PGM5: variants seen among roughly 807,000 people sequenced by gnomAD.
PGM5 encodes the protein phosphoglucomutase 5.
Under a neutral mutation model 59.2 loss-of-function variants are expected in PGM5, and 23 were observed. The observed-to-expected ratio is 0.39, with a 90% confidence interval of 0.28 to 0.55. The LOEUF is 0.55. Among genes scored for constraint, PGM5 ranks in the 20% least tolerant of loss-of-function variants. The probability of loss-of-function intolerance (pLI) is 0.66; values close to 1 mark genes in which losing one functional copy is unlikely to be tolerated. For synonymous variants in PGM5, 214 were observed against 286.0 expected, an observed-to-expected ratio of 0.75 and a Z score of 2.54; for missense variants, 574 against 748.3, an observed-to-expected ratio of 0.77 and a Z score of 2.72.
At chr9:68,464,587 C>T (rs1823905043) in intron 6 of PGM5, 1 of 152,608 alleles carries the variant, frequency 6.6e-6, no homozygotes, top group Non-Finnish European at 1.5e-5. Context: ...ATCAGCCTTC[C>T]TAGTAGCTGG....
intron 7 of PGM5, among the ~76,000 whole-genome samples, chr9:68,477,372 T>C (rs144342975): frequency 2.0e-5 from 3 of 152,356 alleles, no homozygotes; most frequent in African/African-American, 7.2e-5. Context: ...ATGTCACAAG[T>C]ACGGTAAATG....
intron 1 of PGM5, among the ~76,000 whole-genome samples, chr9:68,377,909 C>G (rs1168721): frequency 0.013 from 1,972 of 152,152 alleles, 31 homozygotes; most frequent in African/African-American, 0.045. Flanking sequence ...TTCAAGCTAA[C>G]CCCTCGATTA....
At chr9:68,484,531 C>A (rs1824255452) in intron 9 of PGM5, among the ~76,000 whole-genome samples, 1 of 138,350 alleles carries the variant, frequency 7.2e-6, no homozygotes, top group Admixed American at 7.6e-5. Context: ...CAAAGTGAGA[C>A]CATGTCTCAA....
intron 6 of PGM5, among the ~76,000 whole-genome samples, chr9:68,448,648 C>T (rs781871123): frequency 6.6e-6 from 1 of 152,108 alleles, no homozygotes; most frequent in African/African-American, 2.4e-5. Flanking sequence ...TTTGATAATC[C>T]TTCTTACGCC....
chr9:68,528,853 T>C (rs1259978172), intron 10 of PGM5, among the ~76,000 whole-genome samples: 2 of 152,192 alleles, frequency 1.3e-5, no homozygotes, highest in African/African-American at 4.8e-5. Context: ...CTGAAAATCA[T>C]TGTGAGTGTT....
intron 6 of PGM5, among the ~76,000 whole-genome samples, chr9:68,430,726 C>A (rs1823330546): frequency 6.6e-6 from 1 of 152,136 alleles, no homozygotes; most frequent in South Asian, 2.1e-4. Context: ...AATCATATAC[C>A]CCTAAGTATA....
rs574529124 is a variant in PGM5 at position 68,438,546 on chromosome 9, C to A, written c.1044-26547C>A. Among the ~76,000 whole-genome samples, 11 of 152,254 alleles carry A rather than the reference C, an allele frequency of 7.2e-5. No individual in the cohort carries two copies. In the South Asian group the frequency reaches 2.3e-3, roughly 32 times the overall value. The stretch of plus-strand genomic sequence containing the variant: ...CTGATTTTGAGTAAGATGGAGTAAG[C>A]ACACTTCATCCACGGTCTTCCCCAT... On this transcript the variant is annotated intron_variant, in intron 6 of 10. Coordinates refer to ENST00000396396, the MANE Select transcript of PGM5 (RefSeq NM_021965.4).
chr9:68,461,478 A>G (rs1823857972), intron 6 of PGM5, among the ~76,000 whole-genome samples: 1 of 152,178 alleles, frequency 6.6e-6, no homozygotes, highest in Non-Finnish European at 1.5e-5. Context: ...GTCACTTTCA[A>G]TATTCATGTT....
chr9:68,380,394 GA>G (rs2131995644), intron 2 of PGM5, among the ~76,000 whole-genome samples: 2 of 152,012 alleles, frequency 1.3e-5, no homozygotes, highest in Non-Finnish European at 2.9e-5. Flanking sequence ...AATACTTTGA[GA>G]TTAATGACAA....
intron 6 of PGM5, among the ~76,000 whole-genome samples, chr9:68,425,641 T>A (rs931377623): frequency 2.0e-5 from 3 of 152,206 alleles, no homozygotes; most frequent in Non-Finnish European, 2.9e-5. Context: ...TAATCCAGAA[T>A]AGGTCACATG....
chr9:68,513,594 C>T (rs1554689534), intron 10 of PGM5, among the ~76,000 whole-genome samples: 1 of 152,186 alleles, frequency 6.6e-6, no homozygotes, highest in African/African-American at 2.4e-5. Context: ...GTGAATGGGG[C>T]TTCCGGGAGC....
chr9:68,430,180 C>G (rs1354737859), intron 6 of PGM5, among the ~76,000 whole-genome samples: 1 of 152,148 alleles, frequency 6.6e-6, no homozygotes, highest in Non-Finnish European at 1.5e-5. Context: ...CCTTTGTCTC[C>G]TCTATGGTTT....
At chr9:68,440,513 G>A (rs997299997) in intron 6 of PGM5, among the ~76,000 whole-genome samples, 2 of 152,132 alleles carry the variant, frequency 1.3e-5, no homozygotes, top group South Asian at 2.1e-4. Flanking sequence ...AAGGGTTATT[G>A]TAGATGTCCT....
chr9:68,356,922 G>T lies in PGM5; in HGVS notation c.-206G>T, dbSNP rs1157093186. 18 of 456,340 alleles carry T rather than the reference G, an allele frequency of 3.9e-5. No individual in the cohort carries two copies. Among genetic ancestry groups the T allele is most frequent in the Non-Finnish European group, 6.4e-5 (17 of 265,038 alleles). 28.3% of individuals were successfully genotyped at this position (456,340 alleles called of 1,614,324 possible). A position where few individuals can be genotyped will look rare whatever the true frequency, so the allele number is the denominator to read the frequency against. ...CAGGAAGGCAGAAGCAATCTCTGCC[G>T]AGAGAGTCAGCCGAGCGGCCGCGCG... On this transcript the variant is annotated 5_prime_UTR_variant, in exon 1 of 11. Transcript: ENST00000396396.
rs147020082 is a variant in PGM5, at chr9:68,458,181, T to A, written c.1044-6912T>A. ...TGTGGTAGTTTCAATTTTACATTTT[T>A]TTTTTCTTGGATCTTTGGTCAATTT... is the stretch of plus-strand genomic sequence containing the variant. On this transcript the variant is annotated intron_variant, in intron 6 of 10. Transcript: ENST00000396396. Among the ~76,000 whole-genome samples, 1,483 of 152,330 alleles carry A rather than the reference T, an allele frequency of 9.7e-3. 18 individuals carry two copies. Among genetic ancestry groups the A allele is most frequent in the African/African-American group, 0.035 (1,436 of 41,574 alleles).
intron 6 of PGM5, among the ~76,000 whole-genome samples, chr9:68,446,749 A>C (rs569291318): frequency 8.5e-5 from 13 of 152,324 alleles, no homozygotes; most frequent in African/African-American, 3.1e-4. Flanking sequence ...AGAGGAATAA[A>C]AGTGTTTATT....
At chr9:68,439,693 A>T (rs1166574444) in intron 6 of PGM5, among the ~76,000 whole-genome samples, 1 of 137,404 alleles carries the variant, frequency 7.3e-6, no homozygotes, top group Admixed American at 7.2e-5. Flanking sequence ...ACATGCACAC[A>T]TATATATATA....
At chr9:68,362,969 A>G (rs1347154310) in intron 1 of PGM5, among the ~76,000 whole-genome samples, 7 of 142,202 alleles carry the variant, frequency 4.9e-5, no homozygotes, top group Admixed American at 3.8e-4. Context: ...CCTGGGTTCC[A>G]GTGATTCTCC....
chr9:68,491,689 A>C (rs1398881958), intron 9 of PGM5, among the ~76,000 whole-genome samples: 2 of 152,166 alleles, frequency 1.3e-5, no homozygotes, highest in Non-Finnish European at 2.9e-5. Context: ...CTTTATAATG[A>C]CCTGTCAGCT....
Sources: gnomAD v4.1 joint callset for allele counts (sites outside exome capture counted in the v4.1 genomes callset) on GRCh38, gnomAD v4.1.1 for gene constraint, MANE v1.5 for transcripts, NCBI Gene and HGNC (gene_info 2026-07-23, HGNC 2026-07-21) for gene names.